Variants in OPCML observed in about 807,000 individuals in gnomAD.
OPCML encodes opioid-binding protein/cell adhesion molecule.
Under a neutral mutation model 37.8 loss-of-function variants are expected in OPCML, and 13 were observed. The ratio of observed to expected loss-of-function variants is 0.34; its 90% confidence interval spans 0.22 to 0.55. The LOEUF (loss-of-function observed/expected upper bound fraction) is 0.55, where lower values mean the gene tolerates loss of function less well. Ranked by LOEUF, OPCML falls within the 20% of genes least tolerant of loss-of-function variation. The pLI is 0.91. For missense variants in OPCML, 341 were observed against 435.6 expected, an observed-to-expected ratio of 0.78 and a Z score of 1.93; for synonymous variants, 176 against 168.8, an observed-to-expected ratio of 1.04 and a Z score of -0.33.
Position 133,527,176 on chromosome 11 carries a change from C to G in OPCML, c.61+5088G>C, listed in dbSNP as rs145003839. 7.9e-5 allele frequency among the ~76,000 whole-genome samples: 12 copies of G among 152,338 alleles called. No homozygotes were observed. In the East Asian group the frequency reaches 2.3e-3, roughly 29 times the overall value. On this transcript the variant is annotated intron_variant, in intron 1 of 7. Coordinates refer to ENST00000524381, the MANE Select transcript of OPCML (RefSeq NM_001012393.5). ...ATAGGCCAAAGGCTATTAGATGGGGCTCCTGGAGTTCCAGCTGTCCAAGGC... is the reference window on the plus strand; with the variant it reads ...ATAGGCCAAAGGCTATTAGATGGGGGTCCTGGAGTTCCAGCTGTCCAAGGC...
At position 132,583,159 on chromosome 11, in the gene OPCML, C is replaced by CCTCCCACCT. The variant is rs1180497085; in HGVS notation, c.380-53982_380-53974dup. Reference sequence around the variant, plus strand: ...TCTTGACCTCCTGGGCTTGAGCCATCCTCCCACCTCTCCCACCTCAGCCTC... The same window carrying CCTCCCACCT: ...TCTTGACCTCCTGGGCTTGAGCCATCCTCCCACCTCTCCCACCTCTCCCACCTCAGCCTC... On this transcript the variant is annotated intron_variant, in intron 3 of 7. Transcript: ENST00000524381. 2.7e-4 allele frequency among the ~76,000 whole-genome samples: 41 copies of CCTCCCACCT among 151,948 alleles called. 1 individual carries two copies. Among genetic ancestry groups the CCTCCCACCT allele is most frequent in the Admixed American group, 1.2e-3 (18 of 15,250 alleles).
intron 3 of OPCML, among the ~76,000 whole-genome samples, chr11:132,529,454 C>G (rs2096317859): frequency 6.6e-6 from 1 of 151,972 alleles, no homozygotes; most frequent in Non-Finnish European, 1.5e-5. Flanking sequence ...GATGGTGTGA[C>G]TGTTGATTGA....
chr11:133,469,240 A>G (rs1447398962), intron 1 of OPCML, among the ~76,000 whole-genome samples: 1 of 152,198 alleles, frequency 6.6e-6, no homozygotes, highest in Non-Finnish European at 1.5e-5. Flanking sequence ...CATATATGAT[A>G]GTGGTCTCAT....
intron 2 of OPCML, among the ~76,000 whole-genome samples, chr11:132,672,750 CT>C (rs1942529251): frequency 6.6e-6 from 1 of 152,136 alleles, no homozygotes; most frequent in Non-Finnish European, 1.5e-5. Context: ...CCCAACCCCT[CT>C]CTATTAACAG....
At chr11:132,814,511 G>C (rs1044717611) in intron 2 of OPCML, among the ~76,000 whole-genome samples, 2 of 152,150 alleles carry the variant, frequency 1.3e-5, no homozygotes, top group Non-Finnish European at 2.9e-5. Flanking sequence ...ATGAGGAAGG[G>C]CAAATTCCTT....
chr11:132,484,722 G>T (rs1288726325), intron 4 of OPCML, among the ~76,000 whole-genome samples: 1 of 152,114 alleles, frequency 6.6e-6, no homozygotes, highest in East Asian at 1.9e-4. Flanking sequence ...TATACACCAT[G>T]GAATACTATG....
intron 1 of OPCML, among the ~76,000 whole-genome samples, chr11:133,214,259 T>C (rs921176280): frequency 1.3e-4 from 20 of 152,156 alleles, no homozygotes; most frequent in Non-Finnish European, 2.1e-4. Flanking sequence ...TTGGCTGAAT[T>C]TTTGTCGATA....
intron 1 of OPCML, among the ~76,000 whole-genome samples, chr11:133,157,867 G>A (rs976436886): frequency 2.0e-5 from 3 of 152,132 alleles, no homozygotes; most frequent in African/African-American, 7.2e-5. Context: ...AAGAAAATGA[G>A]CAAAGAAAAA....
rs1939015687 is a variant in OPCML at position 133,205,291 on chromosome 11, A to G, written c.62-262281T>C. Among the ~76,000 whole-genome samples the G allele has an allele frequency of 6.6e-6, 1 of 152,126 alleles. No homozygotes were observed. Among genetic ancestry groups the G allele is most frequent in the Non-Finnish European group, 1.5e-5 (1 of 68,014 alleles). On this transcript the variant is annotated intron_variant, in intron 1 of 7. Coordinates refer to ENST00000524381, the MANE Select transcript of OPCML (RefSeq NM_001012393.5). This position sits in a 1 kb window ranked among gnomAD's most constrained non-coding sequence, Gnocchi z 4.8. ...GTGGTGCTCTGGAAGAGGGCCTGGA[A>G]GCTCTACACCCCTCCCCGCTGCCTT... is the stretch of plus-strand genomic sequence containing the variant.
intron 2 of OPCML, among the ~76,000 whole-genome samples, chr11:132,904,957 C>T (rs140683338): frequency 6.6e-6 from 1 of 152,350 alleles, no homozygotes; most frequent in Non-Finnish European, 1.5e-5. Context: ...CACAGAGTTG[C>T]AGTTGCATTC....
At chr11:133,434,812 A>G (rs1024278212) in intron 1 of OPCML, among the ~76,000 whole-genome samples, 4 of 146,644 alleles carry the variant, frequency 2.7e-5, no homozygotes, top group Admixed American at 2.1e-4. Flanking sequence ...ATATATATAT[A>G]TATATATATA....
intron 2 of OPCML, among the ~76,000 whole-genome samples, chr11:132,728,258 T>C (rs560673172): frequency 3.9e-5 from 6 of 152,288 alleles, no homozygotes; most frequent in African/African-American, 1.4e-4. Context: ...GAGGATATGC[T>C]GAGAGTGTCC....
intron 3 of OPCML, among the ~76,000 whole-genome samples, chr11:132,577,906 C>T (rs1005956542): frequency 5.3e-5 from 8 of 152,098 alleles, no homozygotes; most frequent in African/African-American, 1.9e-4. Context: ...TCCTTCAGCG[C>T]ATCAGCCATG....
At chr11:133,243,595 G>A (rs1000984381) in intron 1 of OPCML, among the ~76,000 whole-genome samples, 2 of 152,184 alleles carry the variant, frequency 1.3e-5, no homozygotes, top group African/African-American at 2.4e-5. Context: ...GAAAGTCAGA[G>A]CTGGGCCTCT....
intron 1 of OPCML, among the ~76,000 whole-genome samples, chr11:133,132,234 T>G (rs1024413797): frequency 1.3e-5 from 2 of 152,160 alleles, no homozygotes; most frequent in African/African-American, 4.8e-5. Context: ...TGAAAAACAC[T>G]TCACCAAAGA....
intron 3 of OPCML, among the ~76,000 whole-genome samples, chr11:132,635,760 T>G (rs1479659226): frequency 6.6e-6 from 1 of 152,216 alleles, no homozygotes; most frequent in Non-Finnish European, 1.5e-5. Context: ...ACTCTTAAGA[T>G]TTCTTCTATT....
Position 133,104,137 on chromosome 11 carries a change from C to T in OPCML, c.62-161127G>A, listed in dbSNP as rs527339965. ...CCCATTAGACAGCTCCACATGTCCA[C>T]AGGTGAGAGCGCATGGATGGATGCA... is the stretch of plus-strand genomic sequence containing the variant. On this transcript the variant is annotated intron_variant, in intron 1 of 7. Transcript: ENST00000524381. 1.3e-3 allele frequency among the ~76,000 whole-genome samples: 201 copies of T among 152,332 alleles called. 2 individuals are homozygous for T. The highest frequency in any genetic ancestry group is 1.4e-3 in the African/African-American group (57 of 41,574).
intron 1 of OPCML, among the ~76,000 whole-genome samples, chr11:133,146,803 CT>C (rs1234907598): frequency 6.6e-6 from 1 of 152,236 alleles, no homozygotes; most frequent in Admixed American, 6.5e-5. Context: ...AAGTAGGGAA[CT>C]CCCCCCAGCA....
intron 1 of OPCML, among the ~76,000 whole-genome samples, chr11:132,998,648 A>G (rs752199624): frequency 1.1e-4 from 17 of 152,304 alleles, no homozygotes; most frequent in Non-Finnish European, 2.1e-4. Context: ...CAAATTTTAT[A>G]TGTGGAAATC....
Sources: allele counts gnomAD v4.1 joint callset (sites outside exome capture counted in the v4.1 genomes callset), GRCh38; gene constraint gnomAD v4.1.1; non-coding constraint Gnocchi (gnomAD v3.1); transcripts MANE v1.5; gene names NCBI Gene and HGNC (gene_info 2026-07-23, HGNC 2026-07-21).